MARCHF2: variants seen among roughly 807,000 people sequenced by gnomAD.
The protein encoded by MARCHF2 is membrane associated ring-CH-type finger 2, also known as E3 ubiquitin-protein ligase MARCHF2.
Under a neutral mutation model 24.0 loss-of-function variants are expected in MARCHF2, and 22 were observed. The observed-to-expected ratio is 0.92, with a 90% CI of 0.66 to 1.31. The LOEUF (loss-of-function observed/expected upper bound fraction) is 1.31, where lower values mean the gene tolerates loss of function less well. Ranked by LOEUF, MARCHF2 falls within the 50% of genes most tolerant of loss-of-function variation. MARCHF2 has a pLI of 0.00. For synonymous variants in MARCHF2, 154 were observed against 153.0 expected (o/e 1.01, Z -0.05); for missense variants, 301 against 335.3 (o/e 0.90, Z 0.80).
Position 8,424,484 on chromosome 19 carries a change from G to A in MARCHF2, c.177-2125G>A, listed in dbSNP as rs1373487327. Among the ~76,000 whole-genome samples the A allele has an allele frequency of 2.6e-5, 4 of 151,968 alleles. No individual in the cohort carries two copies. The South Asian group carries it at 6.2e-4, about 24-fold the overall frequency. On this transcript the variant is annotated intron_variant, in intron 2 of 4. Coordinates refer to ENST00000215555, the MANE Select transcript of MARCHF2 (RefSeq NM_001005415.2). ...AGATCGAGACCATCCTGGCTAACAC[G>A]GTGAAACCCCGTCTCTACAAAAAAT...
chr19:8,422,851 C>T (rs1261182095), intron 2 of MARCHF2, among the ~76,000 whole-genome samples: 2 of 144,738 alleles, frequency 1.4e-5, no homozygotes, highest in East Asian at 2.1e-4. Flanking sequence ...TCTACAGGCA[C>T]GCGCCACCAC....
intron 4 of MARCHF2, among the ~76,000 whole-genome samples, chr19:8,437,281 C>T (rs1220990067): frequency 6.6e-6 from 1 of 150,562 alleles, no homozygotes; most frequent in Non-Finnish European, 1.5e-5. Flanking sequence ...TACCCAGCTT[C>T]GTTTCTTTTT....
chr19:8,436,721 C>T (rs1170723733), intron 4 of MARCHF2, among the ~76,000 whole-genome samples: 2 of 137,226 alleles, frequency 1.5e-5, no homozygotes. Context: ...CTCGCTCTTT[C>T]ACCCAGGCTG....
chr19:8,419,359 T>A (rs1426445568), intron 1 of MARCHF2, among the ~76,000 whole-genome samples: 1 of 152,062 alleles, frequency 6.6e-6, no homozygotes, highest in African/African-American at 2.4e-5. Context: ...CTGGGCATGG[T>A]GGCGCATGCC....
intron 3 of MARCHF2, among the ~76,000 whole-genome samples, chr19:8,428,493 A>T (rs1967474763): frequency 6.6e-6 from 1 of 150,884 alleles, no homozygotes; most frequent in Non-Finnish European, 1.5e-5. Flanking sequence ...GTCTCAAACG[A>T]TGAGGAAAAA....
Position 8,421,869 on chromosome 19 carries a change from C to T in MARCHF2, c.29C>T (p.Pro10Leu). 1 of 1,612,592 alleles carries T rather than the reference C, an allele frequency of 6.2e-7. No individual in the cohort carries two copies. The highest frequency in any genetic ancestry group is 8.5e-7 in the Non-Finnish European group (1 of 1,179,378). The change falls in exon 2 of 5, where the codon CCC (proline) becomes CTC (leucine). Residue 10 changes from proline (P) to leucine (L), a missense_variant. Pro to Leu is a moderately conservative substitution (Grantham distance 98). Transcript: ENST00000215555. ...ACGACGGGTGACTGCTGCCACCTCC[C>T]CGGCTCCCTGTGTGACTGCTCCGGC... Reference protein sequence around the residue: MTTGDCCHLPGSLCDCSGSP... With the variant: MTTGDCCHLLGSLCDCSGSP...
intron 4 of MARCHF2, among the ~76,000 whole-genome samples, chr19:8,438,113 C>G (rs182609855): frequency 2.6e-5 from 4 of 152,212 alleles, no homozygotes; most frequent in African/African-American, 9.6e-5. Flanking sequence ...TCACTCCTTT[C>G]CCACTGAGAG....
Position 8,430,547 on chromosome 19 carries a change from A to G in MARCHF2, c.373-111A>G. On this transcript the variant is annotated intron_variant, in intron 3 of 4. Transcript: ENST00000215555. This position sits in a 1 kb window ranked among gnomAD's most constrained non-coding sequence, Gnocchi z 4.4. ...GAGAATCTGTCTCAAAAAAAAAAAA[A>G]AGAAAGAAGGAAAGGACAGAGGGAG... 1 of 814,906 alleles carries G rather than the reference A, an allele frequency of 1.2e-6. No individual in the cohort carries two copies. Among genetic ancestry groups the G allele is most frequent in the Non-Finnish European group, 1.9e-6 (1 of 522,582 alleles). 50.5% of individuals were successfully genotyped at this position (814,906 alleles called of 1,614,324 possible).
chr19:8,436,008 G>A (rs1196135806), intron 4 of MARCHF2, among the ~76,000 whole-genome samples: 1 of 152,066 alleles, frequency 6.6e-6, no homozygotes, highest in African/African-American at 2.4e-5. Flanking sequence ...ACAGATGTGT[G>A]CACCACGCCT....
intron 2 of MARCHF2, among the ~76,000 whole-genome samples, chr19:8,425,392 C>A (rs1014565284): frequency 4.6e-5 from 7 of 150,564 alleles, no homozygotes; most frequent in Non-Finnish European, 1.0e-4. Context: ...GAGCGAGACT[C>A]CATCTCAAAA....
At chr19:8,421,463 G>A (rs936865840) in intron 1 of MARCHF2, among the ~76,000 whole-genome samples, 15 of 136,354 alleles carry the variant, frequency 1.1e-4, no homozygotes, top group Non-Finnish European at 2.0e-4. Context: ...TCTTGACCTC[G>A]TGATCCACCC....
At chr19:8,417,681 G>A (rs1599698680) in intron 1 of MARCHF2, among the ~76,000 whole-genome samples, 2 of 145,842 alleles carry the variant, frequency 1.4e-5, no homozygotes, top group South Asian at 4.3e-4. Flanking sequence ...CAGGTGATCC[G>A]CCCGCCTCGG....
Position 8,430,736 on chromosome 19 carries a change from C to G in MARCHF2, c.451C>G (p.Leu151Val). ...GGTGTGTTTCCTGTTCATCACACCG[C>G]TGGCCGCCATCTCAGGCTGGTTGTG... ...DMVCFLFITP[L>V]AAISGWLCLR... The change falls in exon 4 of 5, where the codon CTG (leucine) becomes GTG (valine). Residue 151 changes from leucine to valine, a missense_variant. Coordinates refer to ENST00000215555, the MANE Select transcript of MARCHF2 (RefSeq NM_001005415.2). The surrounding 1 kb of genome is among the most constrained non-coding windows in gnomAD (Gnocchi z 4.4). 6.2e-7 allele frequency: 1 copy of G among 1,611,564 alleles called. No homozygotes were observed. The highest frequency in any genetic ancestry group is 8.5e-7 in the Non-Finnish European group (1 of 1,179,990).
At chr19:8,436,880 G>A (rs1486737142) in intron 4 of MARCHF2, among the ~76,000 whole-genome samples, 1 of 151,620 alleles carries the variant, frequency 6.6e-6, no homozygotes, top group African/African-American at 2.4e-5. Flanking sequence ...AATAGAGATG[G>A]GATTTCTCCA....
intron 2 of MARCHF2, among the ~76,000 whole-genome samples, chr19:8,426,083 T>C (rs1463370760): frequency 6.6e-6 from 1 of 151,352 alleles, no homozygotes; most frequent in Non-Finnish European, 1.5e-5. Flanking sequence ...AAAACACAAT[T>C]AGCCGGGCGT....
chr19:8,431,899 G>A (rs1419296842), intron 4 of MARCHF2, among the ~76,000 whole-genome samples: 1 of 151,656 alleles, frequency 6.6e-6, no homozygotes, highest in African/African-American at 2.4e-5. Context: ...GCTCATGCCT[G>A]TAATCCCCAT....
At chr19:8,435,168 G>A (rs368810340) in intron 4 of MARCHF2, among the ~76,000 whole-genome samples, 72 of 151,158 alleles carry the variant, frequency 4.8e-4, no homozygotes, top group African/African-American at 1.7e-3. Flanking sequence ...ACAGGTGTGC[G>A]CCACCATGCC....
intron 1 of MARCHF2, among the ~76,000 whole-genome samples, chr19:8,420,808 G>A (rs1967217631): frequency 6.6e-6 from 1 of 151,984 alleles, no homozygotes; most frequent in East Asian, 1.9e-4. Context: ...GTGCTACCAT[G>A]CCTGGCTAAT....
rs535681091 is a variant in MARCHF2, at chr19:8,430,253, C to T, written c.373-405C>T. Among the ~76,000 whole-genome samples the T allele has an allele frequency of 1.2e-4, 19 of 152,220 alleles. 1 individual carries two copies. The South Asian group carries it at 3.7e-3, about 30-fold the overall frequency. Reference sequence around the variant, plus strand: ...TGGCGCTTGCCTATAATCCCAGCTACTCGGGAGGCTGAGGTGGGAGAATCG... The same window carrying T: ...TGGCGCTTGCCTATAATCCCAGCTATTCGGGAGGCTGAGGTGGGAGAATCG... On this transcript the variant is annotated intron_variant, in intron 3 of 4. Transcript: ENST00000215555. This position sits in a 1 kb window ranked among gnomAD's most constrained non-coding sequence, Gnocchi z 4.4.
Sources: gnomAD v4.1 joint callset for allele counts (sites outside exome capture counted in the v4.1 genomes callset) on GRCh38, gnomAD v4.1.1 for gene constraint, Gnocchi (gnomAD v3.1) non-coding constraint, MANE v1.5 for transcripts, NCBI Gene and HGNC (gene_info 2026-07-23, HGNC 2026-07-21) for gene names.